The following CTNNA2 variants were observed in gnomAD, a reference collection of about 807,000 sequenced individuals.
The protein encoded by CTNNA2 is catenin alpha 2.
Under a neutral mutation model 101.0 loss-of-function variants are expected in CTNNA2, and 42 were observed. That is an observed-to-expected ratio of 0.42 (90% confidence interval 0.32 to 0.54). The LOEUF (loss-of-function observed/expected upper bound fraction) is 0.54, where lower values mean the gene tolerates loss of function less well. Among genes scored for constraint, CTNNA2 ranks in the 20% least tolerant of loss-of-function variants. The pLI is 0.14. For missense variants in CTNNA2, 871 were observed against 1,223.1 expected, an observed-to-expected ratio of 0.71 and a Z score of 4.29; for synonymous variants, 450 against 456.4, an observed-to-expected ratio of 0.99 and a Z score of 0.18.
chr2:79,634,474 C>T (rs1000154122), intron 1 of CTNNA2: 2 of 152,194 alleles, frequency 1.3e-5, no homozygotes, highest in African/African-American at 4.8e-5. Context: ...AGGGGCTGCT[C>T]CTTTAACGCC....
chr2:79,509,013 A>G (rs112693358), upstream of CTNNA2, among the ~76,000 whole-genome samples: 54,288 of 119,300 alleles, frequency 0.46, 12,505 homozygotes, highest in East Asian at 0.5. Flanking sequence ...ATATATATAT[A>G]AACAATTACC....
chr2:79,561,068 T>A (rs758743843), intron 1 of CTNNA2, among the ~76,000 whole-genome samples: 6 of 151,946 alleles, frequency 3.9e-5, no homozygotes, highest in Admixed American at 3.3e-4. Context: ...AGAAACCCCA[T>A]ACATAATAGC....
At chr2:79,448,674 T>C (rs1678858006) in intron 4 of CTNNA2, among the ~76,000 whole-genome samples, 1 of 151,950 alleles carries the variant, frequency 6.6e-6, no homozygotes, top group African/African-American at 2.4e-5. Context: ...TAGAAATACA[T>C]AAGAAAACCA....
chr2:79,444,632 G>GT (rs1247929514), intron 4 of CTNNA2, among the ~76,000 whole-genome samples: 1 of 151,972 alleles, frequency 6.6e-6, no homozygotes, highest in African/African-American at 2.4e-5. Context: ...TTTATGAGCA[G>GT]TTTTTTTCCT....
chr2:79,350,244 AT>A (rs1399549110), intron 3 of CTNNA2, among the ~76,000 whole-genome samples: 1 of 152,024 alleles, frequency 6.6e-6, no homozygotes, highest in Non-Finnish European at 1.5e-5. Flanking sequence ...AATCGTGACA[AT>A]TTTATCCAAT....
chr2:79,839,932 G>C (rs1222072122), intron 3 of CTNNA2, among the ~76,000 whole-genome samples: 1 of 152,046 alleles, frequency 6.6e-6, no homozygotes, highest in African/African-American at 2.4e-5. Flanking sequence ...TTTTTATGAA[G>C]ACTTATTTGT....
chr2:79,255,546 A>G (rs1674833689), intron 2 of CTNNA2, among the ~76,000 whole-genome samples: 1 of 152,186 alleles, frequency 6.6e-6, no homozygotes, highest in African/African-American at 2.4e-5. Context: ...TAATGGCACA[A>G]AGAAAGGATA....
intron 8 of CTNNA2, among the ~76,000 whole-genome samples, chr2:80,401,310 C>T (rs1412743761): frequency 6.6e-6 from 1 of 152,188 alleles, no homozygotes; most frequent in African/African-American, 2.4e-5. Flanking sequence ...CAATCATCAA[C>T]TTGCCTCCAT....
At chr2:79,749,576 T>C (rs970323452) in intron 3 of CTNNA2, among the ~76,000 whole-genome samples, 2 of 152,172 alleles carry the variant, frequency 1.3e-5, no homozygotes, top group Non-Finnish European at 2.9e-5. Context: ...TATTTCTTTC[T>C]TCTCCTGAGG....
chr2:79,506,005 C>A (rs1214660383), intron 5 of CTNNA2, among the ~76,000 whole-genome samples: 3 of 152,056 alleles, frequency 2.0e-5, no homozygotes, highest in African/African-American at 7.2e-5. Context: ...TGGGTTTGAG[C>A]CTTTAGTAAG....
intron 7 of CTNNA2, among the ~76,000 whole-genome samples, chr2:80,385,650 C>A (rs1676928439): frequency 6.6e-6 from 1 of 152,088 alleles, no homozygotes; most frequent in Non-Finnish European, 1.5e-5. Flanking sequence ...CCTTAAATTT[C>A]TTTTTCTCCA....
intron 3 of CTNNA2, among the ~76,000 whole-genome samples, chr2:79,787,180 G>GC (rs1674907241): frequency 6.6e-6 from 1 of 152,074 alleles, no homozygotes; most frequent in Non-Finnish European, 1.5e-5. Flanking sequence ...GCATTGCCAT[G>GC]ATTTTAAAAA....
rs1689038176 is a variant in CTNNA2, at chr2:80,515,443, T to C, written c.1291-29539T>C. Among the ~76,000 whole-genome samples, 3 of 152,244 alleles carry C rather than the reference T, an allele frequency of 2.0e-5. No homozygotes were observed. The South Asian group carries it at 6.2e-4, about 31-fold the overall frequency. Reference sequence around the variant, plus strand: ...GCTCAGAATGACATAATAGTATTTCTGACTCAGAAGCTAAAGCTGAGACTC... The same window carrying C: ...GCTCAGAATGACATAATAGTATTTCCGACTCAGAAGCTAAAGCTGAGACTC... On this transcript the variant is annotated intron_variant, in intron 9 of 18. Transcript: ENST00000402739.
At chr2:79,314,490 G>T (rs1284346472) in intron 3 of CTNNA2, among the ~76,000 whole-genome samples, 1 of 152,202 alleles carries the variant, frequency 6.6e-6, no homozygotes, top group Admixed American at 6.5e-5. Context: ...CTGGGGTGGA[G>T]GGTGGGGTGC....
intron 7 of CTNNA2, among the ~76,000 whole-genome samples, chr2:80,301,337 G>A (rs1438021128): frequency 6.6e-6 from 1 of 152,188 alleles, no homozygotes; most frequent in Non-Finnish European, 1.5e-5. Flanking sequence ...AGTGAGCTGA[G>A]GGGCTCCCTT....
chr2:79,596,228 G>A (rs1163420647), intron 1 of CTNNA2, among the ~76,000 whole-genome samples: 1 of 151,952 alleles, frequency 6.6e-6, no homozygotes, highest in Admixed American at 6.6e-5. Flanking sequence ...GAACTTAGCA[G>A]GTGCTTAATG....
At chr2:79,595,675 G>C (rs1213923839) in intron 1 of CTNNA2, among the ~76,000 whole-genome samples, 1 of 151,516 alleles carries the variant, frequency 6.6e-6, no homozygotes, top group African/African-American at 2.4e-5. Flanking sequence ...CTTAACTCTC[G>C]CTACGCTACC....
At chr2:80,564,538 C>T (rs1237005135) in intron 12 of CTNNA2, among the ~76,000 whole-genome samples, 1 of 145,418 alleles carries the variant, frequency 6.9e-6, no homozygotes, top group Admixed American at 6.9e-5. Flanking sequence ...CCCCCTCCTT[C>T]TAGGCAGTCC....
At chr2:80,191,033 G>A (rs1022241079) in intron 7 of CTNNA2, among the ~76,000 whole-genome samples, 8 of 152,140 alleles carry the variant, frequency 5.3e-5, no homozygotes, top group Non-Finnish European at 1.0e-4. Context: ...GGTCTTATAT[G>A]TATGGTGACC....
Sources: allele counts gnomAD v4.1 joint callset (sites outside exome capture counted in the v4.1 genomes callset), GRCh38; gene constraint gnomAD v4.1.1; transcripts MANE v1.5; gene names NCBI Gene and HGNC (gene_info 2026-07-23, HGNC 2026-07-21).